MSI1: variants seen among roughly 807,000 people sequenced by gnomAD.
MSI1 encodes musashi RNA binding protein 1.
MSI1 carries 15 observed loss-of-function variants against 54.4 expected under a neutral mutation model. The observed-to-expected ratio is 0.28, with a 90% CI of 0.18 to 0.42. MSI1 has a LOEUF of 0.42. Among genes scored for constraint, MSI1 ranks in the 20% least tolerant of loss-of-function variants. The pLI, the probability that MSI1 is intolerant of heterozygous loss-of-function variation, is 1.00. For synonymous variants in MSI1, 200 were observed against 196.5 expected (o/e 1.02, Z -0.15); for missense variants, 304 against 506.0 (o/e 0.60, Z 3.83).
chr12:120,351,504 G>T, intron 10 of MSI1, 104 bp from the exon 11 acceptor site: 1 of 1,000,478 alleles, frequency 1.0e-6, no homozygotes, highest in Non-Finnish European at 1.5e-6. Flanking sequence ...GAGGAGACAG[G>T]CCATGCACAG....
intron 6 of MSI1, among the ~76,000 whole-genome samples, chr12:120,360,859 T>G (rs745709281): frequency 4.0e-5 from 6 of 151,734 alleles, no homozygotes; most frequent in Non-Finnish European, 5.9e-5. Context: ...CTCGCTATAT[T>G]GCCCAGGCTA....
intron 8 of MSI1, 39 bp from the exon 9 acceptor site, chr12:120,357,058 TAG>T (rs1301931126): frequency 1.3e-6 from 2 of 1,538,546 alleles, no homozygotes; most frequent in African/African-American, 1.4e-5. Context: ...CCCACAGAGC[TAG>T]AGTCATTAGC....
intron 7 of MSI1, among the ~76,000 whole-genome samples, chr12:120,358,615 CGGGGCTG>C (rs1292292206): frequency 3.3e-5 from 5 of 151,900 alleles, no homozygotes; most frequent in Admixed American, 6.6e-5. Context: ...TCAGAGGCAA[CGGGGCTG>C]GGGGCTGGGG....
At chr12:120,348,516 T>C (rs1874325615) in intron 11 of MSI1, among the ~76,000 whole-genome samples, 1 of 152,064 alleles carries the variant, frequency 6.6e-6, no homozygotes, top group African/African-American at 2.4e-5. Context: ...ATTTCCCTGC[T>C]TTAATTTCCT....
At chr12:120,343,519 C>T (rs1408453611) in intron 14 of MSI1, among the ~76,000 whole-genome samples, 3 of 152,054 alleles carry the variant, frequency 2.0e-5, no homozygotes, top group Non-Finnish European at 2.9e-5. Flanking sequence ...CCACCACACC[C>T]AGCCAGACTT....
chr12:120,356,321 G>A (rs1195929822), intron 9 of MSI1, among the ~76,000 whole-genome samples: 4 of 151,986 alleles, frequency 2.6e-5, no homozygotes, highest in South Asian at 2.1e-4. Flanking sequence ...TGTTCCCTCC[G>A]CCTGGAACAC....
rs1324136265 is a variant in MSI1, at chr12:120,343,032, CG to C, written c.*94del. 2.0e-5 allele frequency: 3 copies of C among 151,432 alleles called. No individual in the cohort carries two copies. The highest frequency in any genetic ancestry group is 4.4e-5 in the Non-Finnish European group (3 of 68,034). The allele number at this position is 151,432 out of a possible 1,614,324, so 9.4% of individuals were successfully genotyped here. ...GTCCGAGTCGCTGCAGGGGAGGGGG[CG>C]GCGGCTGCGGCTGAGGTCTCCCGCC... On this transcript the variant is annotated 3_prime_UTR_variant, in exon 15 of 15. Coordinates refer to ENST00000257552, the MANE Select transcript of MSI1 (RefSeq NM_002442.4).
intron 6 of MSI1, among the ~76,000 whole-genome samples, chr12:120,359,362 C>T (rs1373982718): frequency 6.6e-6 from 1 of 152,144 alleles, no homozygotes; most frequent in Non-Finnish European, 1.5e-5. Flanking sequence ...CCCAAGATCA[C>T]ACAGCAAGAC....
chr12:120,349,314 G>A (rs942048417), intron 11 of MSI1, among the ~76,000 whole-genome samples: 3 of 152,050 alleles, frequency 2.0e-5, no homozygotes, highest in Non-Finnish European at 2.9e-5. Flanking sequence ...GGCCAGGCTG[G>A]TCTCAAACTC....
At chr12:120,348,554 T>A (rs1051283468) in intron 11 of MSI1, among the ~76,000 whole-genome samples, 1 of 71,098 alleles carries the variant, frequency 1.4e-5, no homozygotes, top group Non-Finnish European at 3.1e-5. Context: ...TCCAAAAATA[T>A]CTTTTTTTTT....
intron 11 of MSI1, among the ~76,000 whole-genome samples, chr12:120,350,701 C>T (rs73416936): frequency 1.7e-3 from 255 of 152,272 alleles, no homozygotes; most frequent in African/African-American, 5.8e-3. Context: ...CTGGCTGGCC[C>T]GAGTGAAGGT....
At chr12:120,355,402 C>CAAAAAAAA (rs34596687) in intron 9 of MSI1, among the ~76,000 whole-genome samples, 1 of 104,496 alleles carries the variant, frequency 9.6e-6, no homozygotes. Context: ...GACTCCGTCT[C>CAAAAAAAA]AAAAAAAAAA....
chr12:120,367,757 G>A (rs1876104268), intron 4 of MSI1, among the ~76,000 whole-genome samples: 1 of 151,974 alleles, frequency 6.6e-6, no homozygotes, highest in African/African-American at 2.4e-5. Flanking sequence ...GGAGAGGGTG[G>A]CGGCTGCCTC....
chr12:120,351,858 G>C (rs577911324), intron 10 of MSI1, among the ~76,000 whole-genome samples: 1 of 150,976 alleles, frequency 6.6e-6, no homozygotes, highest in Non-Finnish European at 1.5e-5. Flanking sequence ...ACAGGCGCCC[G>C]CCACCACGCC....
At chr12:120,359,483 G>A (rs1183679093) in intron 6 of MSI1, among the ~76,000 whole-genome samples, 1 of 152,200 alleles carries the variant, frequency 6.6e-6, no homozygotes, top group East Asian at 1.9e-4. Flanking sequence ...AAAAGGCCAG[G>A]AGGACAGCAA....
chr12:120,367,514 G>A (rs1876089474), intron 4 of MSI1, among the ~76,000 whole-genome samples: 1 of 152,114 alleles, frequency 6.6e-6, no homozygotes, highest in Admixed American at 6.5e-5. Context: ...ACAAAGCAAG[G>A]AGCTCATTGA....
At chr12:120,352,669 AC>A (rs1874730507) in intron 10 of MSI1, among the ~76,000 whole-genome samples, 1 of 151,074 alleles carries the variant, frequency 6.6e-6, no homozygotes, top group Non-Finnish European at 1.5e-5. Context: ...AATAAATAAG[AC>A]CCCCAAGTAA....
chr12:120,363,029 C>A lies in MSI1; in HGVS notation c.402+14G>T. 1 of 1,611,744 alleles carries A rather than the reference C, an allele frequency of 6.2e-7. No homozygotes were observed. Among genetic ancestry groups the A allele is most frequent in the Non-Finnish European group, 8.5e-7 (1 of 1,178,126 alleles). On this transcript the variant is annotated intron_variant, in intron 6 of 14. Transcript: ENST00000257552. ...TCACAGCCCCAGCAGCAAGCGCCCC[C>A]AGTTTAAACCCACCTTCCCAAACTG... is the stretch of plus-strand genomic sequence containing the variant.
chr12:120,366,880 A>G (rs1038793670), intron 4 of MSI1, among the ~76,000 whole-genome samples: 4 of 152,144 alleles, frequency 2.6e-5, no homozygotes, highest in Admixed American at 2.0e-4. Flanking sequence ...TGCAGAAGCC[A>G]TCAGTGCATT....
Sources: gnomAD v4.1 joint callset for allele counts (sites outside exome capture counted in the v4.1 genomes callset) on GRCh38, gnomAD v4.1.1 for gene constraint, MANE v1.5 for transcripts, NCBI Gene and HGNC (gene_info 2026-07-23, HGNC 2026-07-21) for gene names.